Variants in C12orf42 observed in about 807,000 individuals in gnomAD.
The protein encoded by C12orf42 is uncharacterized protein C12orf42.
A neutral mutation model predicts 21.6 loss-of-function variants in C12orf42; 25 were observed. That is an observed-to-expected ratio of 1.16 (90% CI 0.84 to 1.62). C12orf42 has a LOEUF of 1.62. Among genes scored for constraint, C12orf42 ranks in the 40% most tolerant of loss-of-function variants. C12orf42 has a pLI of 0.00. For synonymous variants in C12orf42, 174 were observed against 175.0 expected (o/e 0.99, Z 0.05); for missense variants, 483 against 459.3 (o/e 1.05, Z -0.47).
At chr12:103,207,455 C>T in the C12orf42 span, among the ~76,000 whole-genome samples, 1,478 of 152,288 alleles carry the variant, frequency 9.7e-3, 27 homozygotes, top group African/African-American at 0.033. Flanking sequence ...CACACGTGCG[C>T]GCGCACAGAT....
the C12orf42 span, among the ~76,000 whole-genome samples, chr12:103,107,294 C>A: frequency 6.6e-6 from 1 of 151,828 alleles, no homozygotes; most frequent in Non-Finnish European, 1.5e-5. Flanking sequence ...ACATTGGAAA[C>A]TTACAGCCCC....
the C12orf42 span, among the ~76,000 whole-genome samples, chr12:103,157,533 A>T: frequency 1.3e-5 from 2 of 152,126 alleles, no homozygotes; most frequent in African/African-American, 4.8e-5. Flanking sequence ...TTAGTCATGA[A>T]GTCTTTGCCC....
At chr12:103,198,410 C>A in the C12orf42 span, among the ~76,000 whole-genome samples, 1 of 152,174 alleles carries the variant, frequency 6.6e-6, no homozygotes, top group South Asian at 2.1e-4. Context: ...GATTGGTGCT[C>A]AGACCAGACT....
At chr12:103,118,112 G>C in the C12orf42 span, among the ~76,000 whole-genome samples, 1 of 152,200 alleles carries the variant, frequency 6.6e-6, no homozygotes, top group Admixed American at 6.5e-5. Flanking sequence ...CTTCAAGGCA[G>C]CTCATGCCTG....
At chr12:103,438,500 G>A (rs1223221634) in intron 2 of C12orf42, among the ~76,000 whole-genome samples, 1 of 151,868 alleles carries the variant, frequency 6.6e-6, no homozygotes, top group African/African-American at 2.4e-5. Context: ...TTGTGTATCT[G>A]GAAAACCTCA....
At chr12:103,090,250 C>T in the C12orf42 span, among the ~76,000 whole-genome samples, 6 of 152,204 alleles carry the variant, frequency 3.9e-5, no homozygotes, top group East Asian at 1.9e-4. Context: ...ATGGAGGAAA[C>T]GTTTCTGGCG....
In C12orf42 at chr12:103,374,847, T is replaced by A. The variant is rs1412664240; in HGVS notation, c.148-5849A>T. 3.3e-5 allele frequency among the ~76,000 whole-genome samples: 5 copies of A among 152,212 alleles called. No homozygotes were observed. In the East Asian group the frequency reaches 9.6e-4, roughly 29 times the overall value. On this transcript the variant is annotated intron_variant, in intron 3 of 5. Transcript: ENST00000548883. ...GCAAGCAGGTTGGACAAGCTTTCTCTAGATAAAACTGACCAGTTCTGATAA... is the reference window on the plus strand; with the variant it reads ...GCAAGCAGGTTGGACAAGCTTTCTCAAGATAAAACTGACCAGTTCTGATAA...
chr12:103,197,208 G>A, the C12orf42 span, among the ~76,000 whole-genome samples: 1 of 152,118 alleles, frequency 6.6e-6, no homozygotes, highest in African/African-American at 2.4e-5. Flanking sequence ...TTTTTGGTTG[G>A]AATTTATTTT....
chr12:103,102,192 T>G, the C12orf42 span, among the ~76,000 whole-genome samples: 1 of 152,206 alleles, frequency 6.6e-6, no homozygotes. Context: ...CCATTTTTAT[T>G]AACAGTCCCA....
chr12:103,423,263 C>G (rs111420379), intron 2 of C12orf42, among the ~76,000 whole-genome samples: 43 of 152,314 alleles, frequency 2.8e-4, no homozygotes, highest in East Asian at 1.5e-3. Context: ...GCCCTCCCCC[C>G]CTTGGCCCCT....
chr12:103,403,210 C>A (rs1236400229), intron 2 of C12orf42, among the ~76,000 whole-genome samples: 4 of 152,056 alleles, frequency 2.6e-5, no homozygotes, highest in African/African-American at 9.6e-5. Context: ...CCCGTCTCTA[C>A]TAAAAATACA....
chr12:103,316,670 A>G (rs1054402454), intron 4 of C12orf42, among the ~76,000 whole-genome samples: 2 of 151,978 alleles, frequency 1.3e-5, no homozygotes, highest in African/African-American at 4.8e-5. Context: ...TTTTTATTTG[A>G]TTAACCATAT....
At chr12:103,515,266 G>A in the C12orf42 span, among the ~76,000 whole-genome samples, 1 of 152,134 alleles carries the variant, frequency 6.6e-6, no homozygotes, top group Non-Finnish European at 1.5e-5. Flanking sequence ...AAATATTGTT[G>A]CTGTTTTACA....
At chr12:103,057,624 C>T in the C12orf42 span, among the ~76,000 whole-genome samples, 10 of 151,982 alleles carry the variant, frequency 6.6e-5, no homozygotes, top group African/African-American at 2.2e-4. Flanking sequence ...GGGTTGGTTC[C>T]AAGTCTTTGC....
At chr12:103,102,226 T>C in the C12orf42 span, among the ~76,000 whole-genome samples, 3 of 152,334 alleles carry the variant, frequency 2.0e-5, no homozygotes, top group South Asian at 4.1e-4. Flanking sequence ...ATGTTCCTAG[T>C]AAAACTTTTC....
intron 2 of C12orf42, among the ~76,000 whole-genome samples, chr12:103,462,802 A>G (rs1952826214): frequency 6.6e-6 from 1 of 152,168 alleles, no homozygotes; most frequent in African/African-American, 2.4e-5. Flanking sequence ...TGCTCTGATT[A>G]CTCATTAAAC....
intron 10 of C12orf42, among the ~76,000 whole-genome samples, chr12:103,240,636 G>A (rs887843505): frequency 5.3e-5 from 8 of 152,082 alleles, no homozygotes; most frequent in Non-Finnish European, 1.5e-5. Context: ...CATGTCCCAG[G>A]CTAAAAGAAA....
intron 2 of C12orf42, among the ~76,000 whole-genome samples, chr12:103,456,733 T>C (rs763342961): frequency 2.0e-5 from 3 of 152,180 alleles, no homozygotes; most frequent in Non-Finnish European, 4.4e-5. Context: ...TTGAGGCTTA[T>C]ATGTAGACCT....
chr12:103,428,144 C>A (rs1026801343), intron 2 of C12orf42, among the ~76,000 whole-genome samples: 2 of 152,052 alleles, frequency 1.3e-5, no homozygotes, highest in Admixed American at 6.5e-5. Context: ...GAGACAGAGA[C>A]ATGAAAAACC....
Sources: gnomAD v4.1 joint callset for allele counts (sites outside exome capture counted in the v4.1 genomes callset) on GRCh38, gnomAD v4.1.1 for gene constraint, MANE v1.5 for transcripts, NCBI Gene and HGNC (gene_info 2026-07-23, HGNC 2026-07-21) for gene names.